CRYZ: variants seen among roughly 807,000 people sequenced by gnomAD.
CRYZ encodes the protein zeta-crystallin.
Under a neutral mutation model 34.1 loss-of-function variants are expected in CRYZ, and 35 were observed. The ratio of observed to expected loss-of-function variants is 1.03; its 90% confidence interval spans 0.78 to 1.36. The LOEUF (loss-of-function observed/expected upper bound fraction) is 1.36. Ranked by LOEUF, CRYZ falls within the 40% of genes most tolerant of loss-of-function variation. The probability of loss-of-function intolerance (pLI) is 0.00; values close to 1 mark genes in which losing one functional copy is unlikely to be tolerated. For synonymous variants in CRYZ, 137 were observed against 136.5 expected (o/e 1.00, Z -0.03); for missense variants, 403 against 391.8 (o/e 1.03, Z -0.24).
chr1:74,712,870 G>C (rs1157123533), intron 5 of CRYZ, among the ~76,000 whole-genome samples: 1 of 152,096 alleles, frequency 6.6e-6, no homozygotes, highest in African/African-American at 2.4e-5. Context: ...TACCAGCAAT[G>C]ATCCTTCAAC....
At chr1:74,732,166 C>G (rs1647803329) in intron 1 of CRYZ, among the ~76,000 whole-genome samples, 1 of 143,746 alleles carries the variant, frequency 7.0e-6, no homozygotes, top group Admixed American at 7.0e-5. Flanking sequence ...GGGAAGGAGC[C>G]CTACCTAGGA....
intron 6 of CRYZ, among the ~76,000 whole-genome samples, chr1:74,709,389 G>A (rs765062869): frequency 1.4e-4 from 21 of 151,998 alleles, no homozygotes; most frequent in Non-Finnish European, 2.8e-4. Context: ...GCTTTTGTTC[G>A]GCTTTTTGGC....
intron 2 of CRYZ, 56 bp from the exon 3 acceptor site, chr1:74,723,326 T>C: frequency 1.3e-6 from 2 of 1,557,858 alleles, no homozygotes; most frequent in South Asian, 2.3e-5. Flanking sequence ...CATTTAACTT[T>C]ATGCTAGGAC....
chr1:74,721,783 G>T (rs1473815350), intron 3 of CRYZ, among the ~76,000 whole-genome samples: 4 of 152,180 alleles, frequency 2.6e-5, no homozygotes, highest in Admixed American at 2.0e-4. Flanking sequence ...GACATGTTTT[G>T]TAAGAGATTT....
Position 74,732,461 on chromosome 1 carries a change from G to A in CRYZ, c.-14+495C>T, listed in dbSNP as rs377499276. 9.3e-4 allele frequency among the ~76,000 whole-genome samples: 141 copies of A among 152,084 alleles called. 1 individual carries two copies. The highest frequency in any genetic ancestry group is 3.4e-3 in the African/African-American group (140 of 41,480). On this transcript the variant is annotated intron_variant, in intron 1 of 8. Coordinates refer to ENST00000340866, the MANE Select transcript of CRYZ (RefSeq NM_001889.4). ...TCCCCTACAGCTGGGCTGTGGGAAG[G>A]GGCCCTACCTAGGACAAATCCTCTA...
At chr1:74,715,438 TCAAA>T (rs1319181077) in intron 4 of CRYZ, among the ~76,000 whole-genome samples, 2 of 152,158 alleles carry the variant, frequency 1.3e-5, no homozygotes, top group African/African-American at 2.4e-5. Context: ...TCTTACTTCC[TCAAA>T]CAATGTGGGG....
At chr1:74,714,499 T>G in intron 5 of CRYZ, 80 bp downstream of exon 5, 1 of 1,384,828 alleles carries the variant, frequency 7.2e-7, no homozygotes, top group Non-Finnish European at 1.0e-6. Context: ...AAATCTGACT[T>G]TTAAAAATGA....
chr1:74,722,201 G>A (rs142317108), intron 3 of CRYZ, among the ~76,000 whole-genome samples: 90 of 152,218 alleles, frequency 5.9e-4, no homozygotes, highest in African/African-American at 1.8e-3. Context: ...GAAAACGGAG[G>A]CCCAGAAAGG....
At chr1:74,706,837 C>T (rs2100687634) in intron 8 of CRYZ, 62 bp downstream of exon 8, 1 of 1,382,916 alleles carries the variant, frequency 7.2e-7, no homozygotes, top group Non-Finnish European at 1.0e-6. Context: ...TTTCAGCTTG[C>T]CTGAGTAGGC....
intron 1 of CRYZ, among the ~76,000 whole-genome samples, chr1:74,725,295 A>G (rs1647276045): frequency 1.3e-5 from 2 of 152,212 alleles, no homozygotes; most frequent in Non-Finnish European, 2.9e-5. Context: ...GATAATTTAT[A>G]AAGGAAACAG....
intron 5 of CRYZ, among the ~76,000 whole-genome samples, chr1:74,714,275 T>G (rs1193862878): frequency 6.6e-6 from 1 of 152,154 alleles, no homozygotes; most frequent in Non-Finnish European, 1.5e-5. Context: ...TAAATAAATA[T>G]TTTTATAACA....
chr1:74,718,203 C>T (rs1647102718), intron 4 of CRYZ, among the ~76,000 whole-genome samples: 1 of 152,054 alleles, frequency 6.6e-6, no homozygotes, highest in African/African-American at 2.4e-5. Flanking sequence ...TGATTTTACC[C>T]CCACTAAATA....
intron 3 of CRYZ, among the ~76,000 whole-genome samples, chr1:74,720,819 G>A (rs1647151214): frequency 6.6e-6 from 1 of 152,058 alleles, no homozygotes; most frequent in African/African-American, 2.4e-5. Context: ...TTCAAGTTAT[G>A]TGAGGCACAT....
rs147181596 is a variant in CRYZ at position 74,719,270 on chromosome 1, A to G, written c.367T>C (p.Phe123Leu). The change falls in exon 4 of 9, where the codon TTT becomes CTT. Residue 123 changes from phenylalanine to leucine, a missense_variant. By Grantham distance (22) the Phe-to-Leu change is conservative. Coordinates refer to ENST00000340866, the MANE Select transcript of CRYZ (RefSeq NM_001889.4). ...TVYKLPEKLD[F>L]KQGAAIGIPY... ...ATGCCGATGGCAGCTCCTTGTTTAA[A>G]GTCCAGTTTTTCAGGTAGTTTGTAA... The G allele has an allele frequency of 1.7e-4, 275 of 1,613,774 alleles. 3 individuals are homozygous for G. Among genetic ancestry groups the G allele is most frequent in the Middle Eastern group, 4.9e-4 (3 of 6,084 alleles).
At chr1:74,721,428 T>C (rs1198994459) in intron 3 of CRYZ, among the ~76,000 whole-genome samples, 1 of 152,126 alleles carries the variant, frequency 6.6e-6, no homozygotes, top group African/African-American at 2.4e-5. Context: ...TCTTATTTCA[T>C]AGCAATAAGG....
At chr1:74,715,158 G>C (rs1324824639) in intron 4 of CRYZ, among the ~76,000 whole-genome samples, 1 of 152,142 alleles carries the variant, frequency 6.6e-6, no homozygotes, top group African/African-American at 2.4e-5. Flanking sequence ...TTTCAGGGAG[G>C]AATGCTGAGT....
chr1:74,707,800 G>A (rs903293665), intron 6 of CRYZ: 9 of 152,054 alleles, frequency 5.9e-5, no homozygotes, highest in African/African-American at 2.2e-4. Context: ...ATGAATCCCT[G>A]TGCCCGGGAT....
At chr1:74,733,043 GGCTCCACCCAGGATGTGCGCCTC>G (rs1158266448) in exon 1 of CRYZ, 137 of 683,758 alleles carry the variant, frequency 2.0e-4, no homozygotes, top group African/African-American at 7.0e-4. Context: ...AACTTTTGCA[GGCTCCACCCAGGATGTGCGCCTC>G]GCTCCACCCA....
chr1:74,728,443 G>C (rs922423681), intron 1 of CRYZ, among the ~76,000 whole-genome samples: 3 of 152,210 alleles, frequency 2.0e-5, no homozygotes, highest in African/African-American at 4.8e-5. Context: ...AATTTTATCT[G>C]TGGGTTATAA....
Sources: allele counts gnomAD v4.1 joint callset (sites outside exome capture counted in the v4.1 genomes callset), GRCh38; gene constraint gnomAD v4.1.1; transcripts MANE v1.5; gene names NCBI Gene and HGNC (gene_info 2026-07-23, HGNC 2026-07-21).